Variants in NEGR1 observed in about 807,000 individuals in gnomAD.
The protein encoded by NEGR1 is neuronal growth regulator 1.
Under a neutral mutation model 40.9 loss-of-function variants are expected in NEGR1, and 10 were observed. The ratio of observed to expected loss-of-function variants is 0.24; its 90% CI spans 0.15 to 0.42. The LOEUF is 0.42. Ranked by LOEUF, NEGR1 falls within the 10% of genes least tolerant of loss-of-function variation. The pLI is 1.00. For synonymous variants in NEGR1, 185 were observed against 166.8 expected (o/e 1.11, Z -0.84); for missense variants, 352 against 438.9 (o/e 0.80, Z 1.77).
intron 6 of NEGR1, among the ~76,000 whole-genome samples, chr1:71,449,939 A>G (rs1646613332): frequency 6.6e-6 from 1 of 150,978 alleles, no homozygotes; most frequent in Admixed American, 6.6e-5. Flanking sequence ...ATTTATTTTT[A>G]TATTTGTCTT....
At chr1:72,066,268 G>A (rs539021593) in intron 1 of NEGR1, among the ~76,000 whole-genome samples, 16 of 152,148 alleles carry the variant, frequency 1.1e-4, no homozygotes, top group East Asian at 3.9e-4. Context: ...TCCAGGCAGC[G>A]TGGCCTAGAT....
At chr1:72,237,560 C>T (rs927755984) in intron 1 of NEGR1, among the ~76,000 whole-genome samples, 1 of 151,824 alleles carries the variant, frequency 6.6e-6, no homozygotes, top group South Asian at 2.1e-4. Context: ...GGACAGGACA[C>T]AAATATTCAG....
At chr1:71,582,041 T>C (rs1248744885) in intron 6 of NEGR1, among the ~76,000 whole-genome samples, 1 of 152,148 alleles carries the variant, frequency 6.6e-6, no homozygotes, top group Non-Finnish European at 1.5e-5. Flanking sequence ...ATTTAACAAT[T>C]CACCACTAAA....
chr1:72,175,716 A>G (rs895200483), intron 1 of NEGR1, among the ~76,000 whole-genome samples: 4 of 152,098 alleles, frequency 2.6e-5, no homozygotes, highest in African/African-American at 9.7e-5. Context: ...ACAAGTACCA[A>G]TATTCTCCAT....
chr1:71,613,547 C>T (rs1650340779), intron 4 of NEGR1, among the ~76,000 whole-genome samples: 1 of 151,604 alleles, frequency 6.6e-6, no homozygotes, highest in Admixed American at 6.6e-5. Context: ...AAGCGGGAGG[C>T]TTGGGAGGCT....
intron 1 of NEGR1, among the ~76,000 whole-genome samples, chr1:72,240,865 T>C (rs895559757): frequency 1.3e-5 from 2 of 151,938 alleles, no homozygotes; most frequent in Admixed American, 6.6e-5. Flanking sequence ...GATAAATCTG[T>C]AGGTATTAAT....
Position 71,572,835 on chromosome 1 carries a change from C to A in NEGR1, c.940+19982G>T, listed in dbSNP as rs78304417. ...ACCTCGGCTTCTGCTTTGTTACCTC[C>A]TTAAAGGGACCCTAGAAGAGTAATC... On this transcript the variant is annotated intron_variant, in intron 6 of 6. Coordinates refer to ENST00000357731, the MANE Select transcript of NEGR1 (RefSeq NM_173808.3). Among the ~76,000 whole-genome samples, 265 of 152,222 alleles carry A rather than the reference C, an allele frequency of 1.7e-3. 4 individuals carry two copies. The highest frequency in any genetic ancestry group is 9.1e-3 in the East Asian group (47 of 5,176).
intron 1 of NEGR1, among the ~76,000 whole-genome samples, chr1:72,073,928 A>G (rs1647592523): frequency 6.6e-6 from 1 of 152,170 alleles, no homozygotes; most frequent in African/African-American, 2.4e-5. Context: ...GACAAATGAT[A>G]CTGGATGCAG....
chr1:71,731,420 C>G (rs989010293), intron 3 of NEGR1, among the ~76,000 whole-genome samples: 3 of 152,094 alleles, frequency 2.0e-5, no homozygotes, highest in African/African-American at 7.2e-5. Context: ...ACCCTGGTGT[C>G]TGAAATTATA....
chr1:72,201,966 C>A (rs1653231589), intron 1 of NEGR1, among the ~76,000 whole-genome samples: 1 of 151,876 alleles, frequency 6.6e-6, no homozygotes, highest in Non-Finnish European at 1.5e-5. Context: ...AGTTTTGTGG[C>A]ATCCTTGCTT....
intron 1 of NEGR1, among the ~76,000 whole-genome samples, chr1:72,010,389 A>C (rs956521303): frequency 6.6e-6 from 1 of 152,164 alleles, no homozygotes; most frequent in African/African-American, 2.4e-5. Flanking sequence ...GGTGCCCATA[A>C]AATGTCCAAT....
intron 6 of NEGR1, among the ~76,000 whole-genome samples, chr1:71,553,502 C>T (rs1648152848): frequency 6.6e-6 from 1 of 151,438 alleles, no homozygotes; most frequent in African/African-American, 2.4e-5. Context: ...GTAGGCCAGA[C>T]ACTATCAGAA....
At chr1:72,251,900 G>C (rs914549160) in intron 1 of NEGR1, among the ~76,000 whole-genome samples, 24 of 151,978 alleles carry the variant, frequency 1.6e-4, no homozygotes, top group Admixed American at 4.6e-4. Context: ...TACTCCCTCA[G>C]AAAAACCACT....
chr1:71,847,280 C>T (rs575940930), intron 2 of NEGR1, among the ~76,000 whole-genome samples: 1 of 152,260 alleles, frequency 6.6e-6, no homozygotes, highest in Non-Finnish European at 1.5e-5. Flanking sequence ...TTACTGTGTA[C>T]AACATAATGT....
chr1:71,783,648 A>C (rs1210785890), intron 2 of NEGR1, among the ~76,000 whole-genome samples: 3 of 152,224 alleles, frequency 2.0e-5, no homozygotes, highest in African/African-American at 7.2e-5. Context: ...TTAGGGGTAA[A>C]GAATCCGTAT....
intron 1 of NEGR1, among the ~76,000 whole-genome samples, chr1:72,084,591 T>C (rs6683360): frequency 0.018 from 2,695 of 152,312 alleles, 38 homozygotes; most frequent in Non-Finnish European, 0.027. Context: ...AGTTTGTTCA[T>C]GGCTGCACCC....
At chr1:72,198,506 CTA>C (rs1653081316) in intron 1 of NEGR1, among the ~76,000 whole-genome samples, 1 of 151,978 alleles carries the variant, frequency 6.6e-6, no homozygotes, top group South Asian at 2.1e-4. Context: ...AAAAAAATTT[CTA>C]TGTTATTTTA....
At chr1:71,705,127 A>T (rs1186998164) in intron 3 of NEGR1, among the ~76,000 whole-genome samples, 1 of 152,182 alleles carries the variant, frequency 6.6e-6, no homozygotes, top group Non-Finnish European at 1.5e-5. Flanking sequence ...AAAGACTTCT[A>T]TGAAAAATAA....
At chr1:72,146,373 T>C (rs138183533) in intron 1 of NEGR1, among the ~76,000 whole-genome samples, 9 of 152,288 alleles carry the variant, frequency 5.9e-5, no homozygotes, top group African/African-American at 1.9e-4. Flanking sequence ...ATTAATGCCA[T>C]GTCATACTTT....
Sources: gnomAD v4.1 joint callset for allele counts (sites outside exome capture counted in the v4.1 genomes callset) on GRCh38, gnomAD v4.1.1 for gene constraint, MANE v1.5 for transcripts, NCBI Gene and HGNC (gene_info 2026-07-23, HGNC 2026-07-21) for gene names.